The following ZBTB20 variants were observed in gnomAD, a reference collection of about 807,000 sequenced individuals.
ZBTB20 encodes the protein zinc finger and BTB domain-containing protein 20.
Under a neutral mutation model 56.9 loss-of-function variants are expected in ZBTB20, and 9 were observed. The observed-to-expected ratio is 0.16, with a 90% confidence interval of 0.10 to 0.28. ZBTB20 has a LOEUF of 0.28. ZBTB20 is among the 10% of genes least tolerant of loss of function. The pLI is 1.00. For missense variants in ZBTB20, 655 were observed against 1,003.0 expected (o/e 0.65, Z 4.69); for synonymous variants, 417 against 420.7 (o/e 0.99, Z 0.11).
At chr3:114,911,063 G>A (rs1176903465) in intron 3 of ZBTB20, among the ~76,000 whole-genome samples, 1 of 151,684 alleles carries the variant, frequency 6.6e-6, no homozygotes, top group Non-Finnish European at 1.5e-5. Flanking sequence ...CCCTACATGA[G>A]AGAACAGGAG....
At chr3:114,607,509 G>T (rs2057261528) in intron 6 of ZBTB20, among the ~76,000 whole-genome samples, 1 of 152,074 alleles carries the variant, frequency 6.6e-6, no homozygotes, top group African/African-American at 2.4e-5. Flanking sequence ...CTCCATGTTT[G>T]TCAGGCTGGT....
chr3:114,591,212 T>C (rs78740476), intron 6 of ZBTB20, among the ~76,000 whole-genome samples: 4,493 of 152,290 alleles, frequency 0.03, 232 homozygotes, highest in African/African-American at 0.1. Context: ...TTCAGTATTA[T>C]CTGAAATCAG....
intron 6 of ZBTB20, among the ~76,000 whole-genome samples, chr3:114,580,893 T>C (rs1312451329): frequency 1.3e-5 from 2 of 151,882 alleles, no homozygotes; most frequent in Non-Finnish European, 2.9e-5. Context: ...CTAATGTTAA[T>C]GTAATTACAA....
At chr3:114,698,472 T>C (rs1308087400) in intron 5 of ZBTB20, among the ~76,000 whole-genome samples, 2 of 152,126 alleles carry the variant, frequency 1.3e-5, no homozygotes, top group Non-Finnish European at 2.9e-5. Flanking sequence ...GTGCTTCCCA[T>C]GCCATATAAT....
chr3:114,402,897 CT>C (rs2086947861), intron 7 of ZBTB20, among the ~76,000 whole-genome samples: 1 of 152,150 alleles, frequency 6.6e-6, no homozygotes, highest in African/African-American at 2.4e-5. Context: ...GATGATTATA[CT>C]TACCCGAAAT....
chr3:114,632,691 T>C (rs2059025569), intron 6 of ZBTB20, among the ~76,000 whole-genome samples: 1 of 152,236 alleles, frequency 6.6e-6, no homozygotes, highest in Non-Finnish European at 1.5e-5. Context: ...ACATATAATA[T>C]TAATGCAGAA....
At chr3:114,906,037 T>C (rs907370969) in intron 3 of ZBTB20, among the ~76,000 whole-genome samples, 2 of 151,838 alleles carry the variant, frequency 1.3e-5, no homozygotes, top group African/African-American at 4.8e-5. Context: ...GGGGTGATTA[T>C]TGGCTTATGT....
intron 7 of ZBTB20, among the ~76,000 whole-genome samples, chr3:114,478,391 T>G (rs2041127319): frequency 6.6e-6 from 1 of 152,252 alleles, no homozygotes; most frequent in Non-Finnish European, 1.5e-5. Context: ...CCATTCACTT[T>G]AATCAGAATT....
intron 7 of ZBTB20, among the ~76,000 whole-genome samples, chr3:114,441,183 T>G (rs1325886204): frequency 6.6e-6 from 1 of 152,186 alleles, no homozygotes; most frequent in Non-Finnish European, 1.5e-5. Flanking sequence ...TGATAAATTC[T>G]AAACAAAACA....
intron 6 of ZBTB20, among the ~76,000 whole-genome samples, chr3:114,576,596 TAAGAG>T (rs2054083512): frequency 7.6e-6 from 1 of 130,820 alleles, no homozygotes; most frequent in Admixed American, 8.6e-5. Flanking sequence ...AATTGAGTGA[TAAGAG>T]GAGACAGATG....
At chr3:115,057,372 T>A (rs143821489) in intron 2 of ZBTB20, among the ~76,000 whole-genome samples, 251 of 152,190 alleles carry the variant, frequency 1.6e-3, no homozygotes, top group African/African-American at 5.8e-3. Context: ...ATGATTATTG[T>A]AGGGTTTACA....
At chr3:115,039,558 C>T (rs1018558992) in intron 2 of ZBTB20, among the ~76,000 whole-genome samples, 2 of 151,930 alleles carry the variant, frequency 1.3e-5, no homozygotes, top group Admixed American at 6.6e-5. Context: ...AGCAGTTTTA[C>T]AATATGATTC....
chr3:115,031,235 G>A (rs958303184), intron 2 of ZBTB20, among the ~76,000 whole-genome samples: 1 of 150,292 alleles, frequency 6.7e-6, no homozygotes, highest in African/African-American at 2.4e-5. Context: ...AATTAGTGGA[G>A]GTAATGTTAA....
chr3:114,675,724 C>T (rs2108207238), intron 6 of ZBTB20, among the ~76,000 whole-genome samples: 1 of 152,220 alleles, frequency 6.6e-6, no homozygotes, highest in Non-Finnish European at 1.5e-5. Flanking sequence ...AGTTCTTGGG[C>T]TGAAAGTAGA....
intron 2 of ZBTB20, among the ~76,000 whole-genome samples, chr3:114,990,488 T>C (rs1258649607): frequency 6.6e-6 from 1 of 152,244 alleles, no homozygotes; most frequent in East Asian, 1.9e-4. Context: ...TTTGATGTGC[T>C]GCTGGATTCG....
chr3:114,401,891 T>C (rs1344589884), intron 7 of ZBTB20, among the ~76,000 whole-genome samples: 2 of 152,162 alleles, frequency 1.3e-5, no homozygotes, highest in East Asian at 3.9e-4. Context: ...AATAATAATA[T>C]AAATGTATAA....
intron 6 of ZBTB20, among the ~76,000 whole-genome samples, chr3:114,661,070 G>A (rs1209940301): frequency 6.6e-6 from 1 of 152,140 alleles, no homozygotes; most frequent in African/African-American, 2.4e-5. Flanking sequence ...TGGGTGTGCT[G>A]CAGAATACTT....
chr3:114,851,711 C>A (rs2075009716), intron 4 of ZBTB20, among the ~76,000 whole-genome samples: 1 of 151,734 alleles, frequency 6.6e-6, no homozygotes, highest in Non-Finnish European at 1.5e-5. Flanking sequence ...TTCTACTTTG[C>A]AGATTTGTTT....
chr3:114,692,314 A>G (rs2062747211), intron 6 of ZBTB20, among the ~76,000 whole-genome samples: 1 of 151,994 alleles, frequency 6.6e-6, no homozygotes, highest in Non-Finnish European at 1.5e-5. Context: ...ACAATCCCGA[A>G]GGCTCCTGGC....
Sources: gnomAD v4.1 joint callset for allele counts (sites outside exome capture counted in the v4.1 genomes callset) on GRCh38, gnomAD v4.1.1 for gene constraint, MANE v1.5 for transcripts, NCBI Gene and HGNC (gene_info 2026-07-23, HGNC 2026-07-21) for gene names.